The following SSH1 variants were observed in gnomAD, a reference collection of about 807,000 sequenced individuals.
SSH1 encodes slingshot protein phosphatase 1.
In SSH1, 43 loss-of-function variants were observed where a neutral mutation model predicts 79.7. The ratio of observed to expected loss-of-function variants is 0.54; its 90% CI spans 0.42 to 0.70. The LOEUF (loss-of-function observed/expected upper bound fraction) is 0.70, where lower values mean the gene tolerates loss of function less well. SSH1 is among the 30% of genes least tolerant of loss of function. The pLI is 0.00. For synonymous variants in SSH1, 599 were observed against 538.3 expected (o/e 1.11, Z -1.56); for missense variants, 1,206 against 1,358.8 (o/e 0.89, Z 1.77).
chr12:108,833,346 G>T (rs1025941659), intron 2 of SSH1, among the ~76,000 whole-genome samples: 2 of 151,876 alleles, frequency 1.3e-5, no homozygotes, highest in African/African-American at 2.4e-5. Flanking sequence ...AGGTATAAAG[G>T]CTGCACTGTG....
Position 108,783,974 on chromosome 12 carries a change from C to T in SSH1, c.*4014G>A, listed in dbSNP as rs1196897447. On this transcript the variant is annotated 3_prime_UTR_variant, in exon 15 of 15. Transcript: ENST00000326495. Reference sequence around the variant, plus strand: ...GCCAGAGGTGAAGGGGGTCCCCTCGCTGAGTTGCGTGTTTAGAGGAGCCCT... The same window carrying T: ...GCCAGAGGTGAAGGGGGTCCCCTCGTTGAGTTGCGTGTTTAGAGGAGCCCT... 1.3e-5 allele frequency: 2 copies of T among 152,240 alleles called. No homozygotes were observed. Among genetic ancestry groups the T allele is most frequent in the Admixed American group, 1.3e-4 (2 of 15,282 alleles). The allele number at this position is 152,240 out of a possible 1,614,324, so 9.4% of individuals were successfully genotyped here. A position where few individuals can be genotyped will look rare whatever the true frequency, so the allele number is the denominator to read the frequency against.
intron 3 of SSH1, among the ~76,000 whole-genome samples, chr12:108,821,338 G>A (rs755786051): frequency 2.6e-5 from 4 of 151,704 alleles, no homozygotes; most frequent in Admixed American, 1.3e-4. Flanking sequence ...AGGCTGCAGT[G>A]AGCTATGATC....
intron 1 of SSH1, among the ~76,000 whole-genome samples, chr12:108,855,458 C>T (rs1353975355): frequency 1.3e-5 from 2 of 152,070 alleles, no homozygotes; most frequent in Non-Finnish European, 2.9e-5. Flanking sequence ...TACTAAAAAC[C>T]ACTGAATTGT....
chr12:108,829,773 G>C (rs1185691477), intron 2 of SSH1, among the ~76,000 whole-genome samples: 1 of 152,138 alleles, frequency 6.6e-6, no homozygotes, highest in African/African-American at 2.4e-5. Flanking sequence ...TAATTCGGAA[G>C]GTCTGTGATG....
rs532774712 is a variant in SSH1, at chr12:108,854,490, T to C, written c.70-1812A>G. On this transcript the variant is annotated intron_variant, in intron 1 of 14. Coordinates refer to ENST00000326495, the MANE Select transcript of SSH1 (RefSeq NM_018984.4). ...TGACATAAGTGACATAATCAAAGAC[T>C]GGGAAAAAAAGAAAATTAAAAGAGA... is the stretch of plus-strand genomic sequence containing the variant. Among the ~76,000 whole-genome samples the C allele has an allele frequency of 9.9e-5, 15 of 152,048 alleles. No homozygotes were observed. In the East Asian group the frequency reaches 1.9e-3, roughly 20 times the overall value.
intron 4 of SSH1, among the ~76,000 whole-genome samples, chr12:108,818,021 A>C (rs111355534): frequency 6.6e-6 from 1 of 152,072 alleles, no homozygotes; most frequent in East Asian, 1.9e-4. Flanking sequence ...GCAAAATAGC[A>C]AGACCCCATA....
At chr12:108,827,238 C>A in intron 2 of SSH1, 1 of 1,530,354 alleles carries the variant, frequency 6.5e-7, no homozygotes. Context: ...GGCAGGAAAC[C>A]AGTAATCAGG....
Position 108,787,862 on chromosome 12 carries a change from A to G in SSH1, c.*126T>C, listed in dbSNP as rs952631524. 8.1e-7 allele frequency: 1 copy of G among 1,241,118 alleles called. No homozygotes were observed. The highest frequency in any genetic ancestry group is 1.1e-6 in the Non-Finnish European group (1 of 876,984). 76.9% of individuals were successfully genotyped at this position (1,241,118 alleles called of 1,614,324 possible). A position where few individuals can be genotyped will look rare whatever the true frequency, so the allele number is the denominator to read the frequency against. On this transcript the variant is annotated 3_prime_UTR_variant, in exon 15 of 15. Coordinates refer to ENST00000326495, the MANE Select transcript of SSH1 (RefSeq NM_018984.4). ...CTCCTCTCTATGGCAAGAGTAGGGG[A>G]AAAGTTAGGATGACTTCACTCGTTT...
chr12:108,804,913 G>A (rs912048688), intron 10 of SSH1, 143 bp downstream of exon 10: 3 of 963,144 alleles, frequency 3.1e-6, no homozygotes, highest in Non-Finnish European at 4.8e-6. Context: ...GCCAAAGAGG[G>A]GAGCTCCTGC....
intron 5 of SSH1, 189 bp from the exon 6 acceptor site, chr12:108,811,517 G>GT (rs1428085585): frequency 1.2e-5 from 8 of 651,770 alleles, no homozygotes; most frequent in Admixed American, 2.1e-5. Context: ...ACACAACTCC[G>GT]TAAGTGCTCA....
Position 108,787,930 on chromosome 12 carries a change from A to C in SSH1, c.*58T>G. Reference sequence around the variant, plus strand: ...AAGGGGTCGATCCAAATCCACAGTGAAAGTGAGGGAGGGATCATATGAAAA... The same window carrying C: ...AAGGGGTCGATCCAAATCCACAGTGCAAGTGAGGGAGGGATCATATGAAAA... On this transcript the variant is annotated 3_prime_UTR_variant, in exon 15 of 15. Coordinates refer to ENST00000326495, the MANE Select transcript of SSH1 (RefSeq NM_018984.4). 1.2e-6 allele frequency: 2 copies of C among 1,603,800 alleles called. No homozygotes were observed. The highest frequency in any genetic ancestry group is 3.3e-5 in the Admixed American group (2 of 59,974).
chr12:108,794,346 G>T (rs780289638), intron 13 of SSH1, among the ~76,000 whole-genome samples: 1 of 152,208 alleles, frequency 6.6e-6, no homozygotes, highest in Non-Finnish European at 1.5e-5. Context: ...CAGAACCGCA[G>T]GGCTTTTTGC....
In SSH1 at chr12:108,792,614, G is replaced by A. The variant is rs751553736; in HGVS notation, c.1565C>T (p.Pro522Leu). The A allele has an allele frequency of 2.1e-5, 34 of 1,612,396 alleles. No individual in the cohort carries two copies. The highest frequency in any genetic ancestry group is 2.9e-5 in the Non-Finnish European group (34 of 1,179,360). The change falls in exon 14 of 15, where the codon CCT becomes CTT. Residue 522 changes from proline to leucine, a missense_variant. This residue lies in a region of SSH1 where 709 missense variants were observed against 730.6 expected (regional missense o/e 0.97). Coordinates refer to ENST00000326495, the MANE Select transcript of SSH1 (RefSeq NM_018984.4). ...RRLSDPLLPS[P>L]EDETGSLVHL... ...GACCAAGCTGCCAGTTTCATCCTCA[G>A]GGGAAGGCAGAAGGGGGTCTGAGAG... is the stretch of plus-strand genomic sequence containing the variant.
intron 2 of SSH1, among the ~76,000 whole-genome samples, chr12:108,846,409 G>A (rs183206576): frequency 3.0e-4 from 45 of 152,256 alleles, no homozygotes; most frequent in Admixed American, 1.6e-3. Flanking sequence ...GCCAGCTCCC[G>A]GGATGGCAAG....
At chr12:108,827,643 T>C (rs1350937058) in intron 2 of SSH1, 2 of 1,062,502 alleles carry the variant, frequency 1.9e-6, no homozygotes, top group African/African-American at 1.6e-5. Context: ...GGCTTTTCTG[T>C]AGGCCGGAGA....
At chr12:108,811,063 TA>T (rs2037562097) in intron 6 of SSH1, among the ~76,000 whole-genome samples, 196 bp downstream of exon 6, 1 of 152,158 alleles carries the variant, frequency 6.6e-6, no homozygotes, top group East Asian at 1.9e-4. Flanking sequence ...CTTCATGAGC[TA>T]AACTCCCCAA....
At chr12:108,794,950 C>T (rs963409683) in intron 13 of SSH1, among the ~76,000 whole-genome samples, 7 of 152,178 alleles carry the variant, frequency 4.6e-5, no homozygotes, top group African/African-American at 1.4e-4. Flanking sequence ...GTTTCCTCTG[C>T]TCTATTGTCT....
At chr12:108,808,162 T>C (rs1451983542) in intron 7 of SSH1, among the ~76,000 whole-genome samples, 1 of 152,210 alleles carries the variant, frequency 6.6e-6, no homozygotes, top group Non-Finnish European at 1.5e-5. Context: ...GGTCTTGAAT[T>C]CCTAGCCTCA....
At chr12:108,844,847 GC>G (rs1566018278) in intron 2 of SSH1, among the ~76,000 whole-genome samples, 3 of 152,194 alleles carry the variant, frequency 2.0e-5, no homozygotes, top group African/African-American at 7.2e-5. Context: ...GGTGGCTCAC[GC>G]CTGTAATCCC....
Sources: allele counts gnomAD v4.1 joint callset (sites outside exome capture counted in the v4.1 genomes callset), GRCh38; gene constraint gnomAD v4.1.1; regional missense constraint gnomAD v4.1.1; transcripts MANE v1.5; gene names NCBI Gene and HGNC (gene_info 2026-07-23, HGNC 2026-07-21).